TAFA2: variants seen among roughly 807,000 people sequenced by gnomAD.
The protein encoded by TAFA2 is chemokine-like protein TAFA-2.
Under a neutral mutation model 18.8 loss-of-function variants are expected in TAFA2, and 7 were observed. The observed-to-expected ratio is 0.37, with a 90% CI of 0.21 to 0.70. TAFA2 has a LOEUF of 0.70. TAFA2 is among the 30% of genes least tolerant of loss of function. The pLI is 0.53. For missense variants in TAFA2, 122 were observed against 158.1 expected (o/e 0.77, Z 1.23); for synonymous variants, 60 against 54.2 (o/e 1.11, Z -0.47).
chr12:62,140,588 A>G (rs1307292328), intron 1 of TAFA2, among the ~76,000 whole-genome samples: 1 of 152,162 alleles, frequency 6.6e-6, no homozygotes, highest in African/African-American at 2.4e-5. Context: ...CTTAACCTTC[A>G]TAAAGGTTAA....
intron 1 of TAFA2, among the ~76,000 whole-genome samples, chr12:61,988,157 T>C (rs1879880178): frequency 1.3e-5 from 2 of 152,100 alleles, no homozygotes; most frequent in South Asian, 4.2e-4. Context: ...ACTTCACGGG[T>C]GTCAATGGGA....
chr12:61,806,682 G>GAT (rs1871627073), intron 2 of TAFA2, among the ~76,000 whole-genome samples: 2 of 152,190 alleles, frequency 1.3e-5, no homozygotes, highest in Non-Finnish European at 2.9e-5. Flanking sequence ...CCAAAATGCT[G>GAT]ATAGCAATAT....
chr12:61,812,957 A>G (rs1311007901), intron 2 of TAFA2, among the ~76,000 whole-genome samples: 3 of 151,468 alleles, frequency 2.0e-5, no homozygotes, highest in African/African-American at 7.4e-5. Flanking sequence ...GTTTGCTATT[A>G]TCTCCTTCCC....
intron 1 of TAFA2, among the ~76,000 whole-genome samples, chr12:62,148,025 G>T (rs924132426): frequency 1.3e-5 from 2 of 151,702 alleles, no homozygotes; most frequent in African/African-American, 4.9e-5. Flanking sequence ...ACCATCGAAC[G>T]CCAGTCAGAA....
chr12:61,930,009 G>A (rs908492063), intron 1 of TAFA2, among the ~76,000 whole-genome samples: 8 of 145,608 alleles, frequency 5.5e-5, no homozygotes, highest in African/African-American at 2.8e-5. Context: ...CTGTTGTGGG[G>A]TGGGGGTAGG....
intron 1 of TAFA2, among the ~76,000 whole-genome samples, chr12:61,904,424 A>G (rs7980734): frequency 0.83 from 125,670 of 152,120 alleles, 52,427 homozygotes; most frequent in African/African-American, 0.94. Flanking sequence ...GTTTGTACTT[A>G]AGCATATTAC....
chr12:62,080,454 G>A (rs1046263690), intron 1 of TAFA2, among the ~76,000 whole-genome samples: 2 of 151,618 alleles, frequency 1.3e-5, no homozygotes, highest in African/African-American at 2.4e-5. Context: ...CCTTCCTACT[G>A]ATAATAGTTT....
At chr12:62,250,598 GGTATTAT>G in intron 1 of TAFA2, among the ~76,000 whole-genome samples, 1 of 152,052 alleles carries the variant, frequency 6.6e-6, no homozygotes, top group African/African-American at 2.4e-5. Flanking sequence ...AAAAAAAATA[GGTATTAT>G]GTCTTTGAAT....
intron 2 of TAFA2, among the ~76,000 whole-genome samples, chr12:61,851,465 C>T (rs1228980422): frequency 2.0e-5 from 3 of 152,052 alleles, no homozygotes; most frequent in Non-Finnish European, 2.9e-5. Flanking sequence ...CTTTGTCATC[C>T]ATGTTACAAG....
chr12:61,979,280 G>C (rs1243629811), intron 1 of TAFA2, among the ~76,000 whole-genome samples: 1 of 152,094 alleles, frequency 6.6e-6, no homozygotes, highest in East Asian at 1.9e-4. Context: ...CCTTTGAGGA[G>C]CCAATAACTC....
intron 1 of TAFA2, among the ~76,000 whole-genome samples, chr12:61,976,837 T>C (rs180989159): frequency 4.7e-4 from 71 of 152,208 alleles, no homozygotes; most frequent in African/African-American, 1.7e-3. Flanking sequence ...TCCATGTCCC[T>C]GCAAAGGACA....
chr12:62,251,031 T>C (rs2062911020), intron 1 of TAFA2, among the ~76,000 whole-genome samples: 1 of 140,094 alleles, frequency 7.1e-6, no homozygotes, highest in Non-Finnish European at 1.7e-5. Flanking sequence ...CACTAGGACT[T>C]TGGGTGTTTT....
chr12:62,188,697 A>T (rs2062602323), intron 1 of TAFA2, among the ~76,000 whole-genome samples: 1 of 152,198 alleles, frequency 6.6e-6, no homozygotes, highest in Non-Finnish European at 1.5e-5. Flanking sequence ...AAAATACTAC[A>T]TTGAAGACAC....
At chr12:62,015,879 A>G (rs1880921051) in intron 1 of TAFA2, among the ~76,000 whole-genome samples, 1 of 152,212 alleles carries the variant, frequency 6.6e-6, no homozygotes, top group Non-Finnish European at 1.5e-5. Context: ...GGTGGTTGCC[A>G]GGGGCTAGAG....
Position 61,883,609 on chromosome 12 carries a change from A to G in TAFA2, c.-1-16183T>C, listed in dbSNP as rs555762114. Reference sequence around the variant, plus strand: ...GCTCATGCAAGTAAGAGAATGATGTATGAATATTGAAGAAGGGATTATAGT... The same window carrying G: ...GCTCATGCAAGTAAGAGAATGATGTGTGAATATTGAAGAAGGGATTATAGT... On this transcript the variant is annotated intron_variant, in intron 1 of 4. Transcript: ENST00000416284. Among the ~76,000 whole-genome samples, 9 of 152,324 alleles carry G rather than the reference A, an allele frequency of 5.9e-5. No homozygotes were observed. In the South Asian group the frequency reaches 1.9e-3, roughly 32 times the overall value.
intron 1 of TAFA2, among the ~76,000 whole-genome samples, chr12:62,240,904 A>C (rs556355086): frequency 2.0e-5 from 3 of 152,296 alleles, no homozygotes; most frequent in Admixed American, 1.3e-4. Flanking sequence ...TCTAAGTTGC[A>C]TGCCCCTTAT....
At chr12:61,860,342 T>C (rs982960811) in intron 2 of TAFA2, among the ~76,000 whole-genome samples, 2 of 152,226 alleles carry the variant, frequency 1.3e-5, no homozygotes, top group Admixed American at 1.3e-4. Flanking sequence ...GTTTATGTTC[T>C]AGCTATTTTT....
chr12:61,775,690 C>T (rs149362267), intron 2 of TAFA2, among the ~76,000 whole-genome samples: 5 of 151,846 alleles, frequency 3.3e-5, no homozygotes, highest in African/African-American at 7.2e-5. Context: ...ATAGTCTATA[C>T]GACACTATAA....
At chr12:62,121,821 A>G (rs908038450) in intron 1 of TAFA2, among the ~76,000 whole-genome samples, 2 of 152,254 alleles carry the variant, frequency 1.3e-5, no homozygotes. Context: ...TCCATGGTTC[A>G]AAACAACTAG....
Sources: gnomAD v4.1 joint callset for allele counts (sites outside exome capture counted in the v4.1 genomes callset) on GRCh38, gnomAD v4.1.1 for gene constraint, MANE v1.5 for transcripts, NCBI Gene and HGNC (gene_info 2026-07-23, HGNC 2026-07-21) for gene names.